Variants in NPC1 observed in about 807,000 individuals in gnomAD.
NPC1 encodes Niemann-Pick C1 protein.
In NPC1, 85 loss-of-function variants were observed where a neutral mutation model predicts 140.4. The observed-to-expected ratio is 0.61, with a 90% CI of 0.51 to 0.72. The LOEUF (loss-of-function observed/expected upper bound fraction) is 0.72, where lower values mean the gene tolerates loss of function less well. Among genes scored for constraint, NPC1 ranks in the 30% least tolerant of loss-of-function variants. The pLI is 0.00. For missense variants in NPC1, 1,504 were observed against 1,623.8 expected (o/e 0.93, Z 1.27); for synonymous variants, 656 against 624.8 (o/e 1.05, Z -0.74).
intron 10 of NPC1, among the ~76,000 whole-genome samples, chr18:23,549,914 T>C (rs1419403044): frequency 6.8e-6 from 1 of 147,944 alleles, no homozygotes; most frequent in African/African-American, 2.5e-5. Context: ...GCTAATTTTT[T>C]TTGTATTTTC....
At chr18:23,552,116 A>T (rs1370444686) in intron 9 of NPC1, among the ~76,000 whole-genome samples, 1 of 152,080 alleles carries the variant, frequency 6.6e-6, no homozygotes, top group Non-Finnish European at 1.5e-5. Context: ...TGGGAGGAAA[A>T]AGGGAGGGAG....
intron 3 of NPC1, chr18:23,509,171 A>G (rs994429634): frequency 3.7e-6 from 4 of 1,093,698 alleles, no homozygotes; most frequent in Non-Finnish European, 2.5e-6. Context: ...AATTAAAAAT[A>G]TTTTTAAAAA....
downstream of NPC1, chr18:23,530,210 G>A: frequency 6.2e-7 from 1 of 1,614,118 alleles, no homozygotes; most frequent in Non-Finnish European, 8.5e-7. Flanking sequence ...ACTGAAGTGG[G>A]TCTAAAAATG....
intron 3 of NPC1, among the ~76,000 whole-genome samples, chr18:23,569,675 T>C (rs1040077054): frequency 6.6e-6 from 1 of 152,224 alleles, no homozygotes; most frequent in African/African-American, 2.4e-5. Flanking sequence ...ATCTTCATCT[T>C]ATAACCTATT....
At position 23,531,877 on chromosome 18, in the gene NPC1, A is replaced by C; in HGVS notation, c.*325T>G. The C allele has an allele frequency of 6.9e-7, 1 of 1,446,002 alleles. No individual in the cohort carries two copies. Among genetic ancestry groups the C allele is most frequent in the Non-Finnish European group, 9.0e-7 (1 of 1,107,348 alleles). 89.6% of individuals were successfully genotyped at this position (1,446,002 alleles called of 1,614,324 possible). On this transcript the variant is annotated 3_prime_UTR_variant, in exon 25 of 25. Transcript: ENST00000269228. ...TCCTAAAAGGAGAGACAGACAGTGC[A>C]TTGATTGGCCTTTACAGAGTGTCAG... is the stretch of plus-strand genomic sequence containing the variant.
At position 23,539,766 on chromosome 18, in the gene NPC1, A is replaced by C. The variant is rs200892837; in HGVS notation, c.2795+45T>G. On this transcript the variant is annotated intron_variant, in intron 18 of 24. Transcript: ENST00000269228. The stretch of plus-strand genomic sequence containing the variant: ...GGCCTGAGCTGACTGCCTGGCTGAG[A>C]GCCTCCTCCGCTGCTTCTGAAGTAC... 2.1e-5 allele frequency: 33 copies of C among 1,594,376 alleles called. No individual in the cohort carries two copies. In the African/African-American group the frequency reaches 2.7e-4, roughly 13 times the overall value.
chr18:23,539,562 C>CG, intron 18 of NPC1, 92 bp from the exon 19 acceptor site: 1 of 917,690 alleles, frequency 1.1e-6, no homozygotes, highest in Non-Finnish European at 1.7e-6. Flanking sequence ...TCCTTTTCTA[C>CG]GTTTTATACT....
chr18:23,572,639 G>A (rs1017691998), intron 2 of NPC1, among the ~76,000 whole-genome samples: 10 of 148,384 alleles, frequency 6.7e-5, no homozygotes, highest in African/African-American at 2.5e-4. Flanking sequence ...TTTGAGACCA[G>A]GCTAGGCAAC....
At position 23,533,336 on chromosome 18, in the gene NPC1, T is replaced by G. The variant is rs765918354; in HGVS notation, c.3754+19A>C. ...AATGTCCTTCTATTGTGCCACCCTT[T>G]TAAGATGAGAACTCTTACCTATGTA... On this transcript the variant is annotated intron_variant, in intron 24 of 24. Transcript: ENST00000269228. 2 of 1,611,814 alleles carry G rather than the reference T, an allele frequency of 1.2e-6. No individual in the cohort carries two copies. Among genetic ancestry groups the G allele is most frequent in the Non-Finnish European group, 1.7e-6 (2 of 1,177,972 alleles).
At chr18:23,567,727 C>T (rs1420493220) in intron 4 of NPC1, among the ~76,000 whole-genome samples, 2 of 152,156 alleles carry the variant, frequency 1.3e-5, no homozygotes, top group Admixed American at 6.6e-5. Flanking sequence ...GGAGGGTTAG[C>T]TTCAACTTAC....
intron 14 of NPC1, among the ~76,000 whole-genome samples, chr18:23,542,641 A>G (rs906175235): frequency 1.3e-5 from 2 of 152,238 alleles, no homozygotes; most frequent in Non-Finnish European, 2.9e-5. Context: ...GGCTCCTTGT[A>G]ATGTGGTGAG....
intron 4 of NPC1, among the ~76,000 whole-genome samples, chr18:23,563,652 G>A (rs2059076480): frequency 6.6e-6 from 1 of 152,204 alleles, no homozygotes. Flanking sequence ...GAGCTAAGGT[G>A]ATCCACCTGC....
rs751952669 is a variant in NPC1 at position 23,541,126 on chromosome 18, C to A, written c.2456G>T (p.Arg819Leu). 6 of 1,614,156 alleles carry A rather than the reference C, an allele frequency of 3.7e-6. No homozygotes were observed. The highest frequency in any genetic ancestry group is 2.2e-5 in the East Asian group (1 of 44,886). Residue 819 changes from arginine (R) to leucine (L), a missense_variant, in exon 16 of 25, where the codon CGC becomes CTC. Physicochemically the swap from Arg to Leu is moderately radical, Grantham distance 102 (BLOSUM62 -2). Transcript: ENST00000269228. ...SVQASESCLF[R>L]FFKNSYSPLL... The stretch of plus-strand genomic sequence containing the variant: ...TGGAGAATAGGAGTTTTTGAAGAAG[C>A]GAAACAAACAGCTCTCTGAGGCCTG...
intron 5 of NPC1, 65 bp from the exon 6 acceptor site, chr18:23,560,545 T>C: frequency 6.4e-7 from 1 of 1,551,402 alleles, no homozygotes; most frequent in Non-Finnish European, 8.8e-7. Flanking sequence ...TGTATTATAC[T>C]TAAACTCAAA....
intron 2 of NPC1, 26 bp downstream of exon 2, chr18:23,573,426 C>A: frequency 6.2e-7 from 1 of 1,613,970 alleles, no homozygotes; most frequent in South Asian, 1.1e-5. Flanking sequence ...ATTTTGTGTT[C>A]CCAGTGCCTA....
At chr18:23,539,730 G>T in intron 18 of NPC1, 81 bp downstream of exon 18, 1 of 1,439,424 alleles carries the variant, frequency 6.9e-7, no homozygotes, top group Non-Finnish European at 9.8e-7. Flanking sequence ...TATTTTCAGT[G>T]AGACATTTCA....
chr18:23,562,838 TA>T (rs568815951), intron 4 of NPC1, among the ~76,000 whole-genome samples: 1 of 151,252 alleles, frequency 6.6e-6, no homozygotes, highest in African/African-American at 2.4e-5. Flanking sequence ...AATAAAAAAA[TA>T]AAAAAAAATT....
At chr18:23,557,244 GT>G in intron 6 of NPC1, 54 bp from the exon 7 acceptor site, 5 of 1,360,012 alleles carry the variant, frequency 3.7e-6, no homozygotes, top group Non-Finnish European at 1.0e-6. Context: ...CAGTGAGGTT[GT>G]TTTTGGGACA....
chr18:23,575,317 G>A (rs2059259131), intron 1 of NPC1, among the ~76,000 whole-genome samples: 1 of 152,198 alleles, frequency 6.6e-6, no homozygotes, highest in African/African-American at 2.4e-5. Flanking sequence ...CAAAGCAAGT[G>A]CTATTTCCAC....
Sources: gnomAD v4.1 joint callset for allele counts (sites outside exome capture counted in the v4.1 genomes callset) on GRCh38, gnomAD v4.1.1 for gene constraint, MANE v1.5 for transcripts, NCBI Gene and HGNC (gene_info 2026-07-23, HGNC 2026-07-21) for gene names.